SLC4A4: variants seen among roughly 807,000 people sequenced by gnomAD.
The protein encoded by SLC4A4 is electrogenic sodium bicarbonate cotransporter 1.
SLC4A4 carries 27 observed loss-of-function variants against 111.5 expected under a neutral mutation model. The ratio of observed to expected loss-of-function variants is 0.24; its 90% confidence interval spans 0.18 to 0.33. The LOEUF (loss-of-function observed/expected upper bound fraction) is 0.33. Among genes scored for constraint, SLC4A4 ranks in the 10% least tolerant of loss-of-function variants. SLC4A4 has a pLI of 1.00. For synonymous variants in SLC4A4, 443 were observed against 463.4 expected (o/e 0.96, Z 0.57); for missense variants, 909 against 1,315.5 (o/e 0.69, Z 4.78).
chr4:71,121,700 C>G (rs2148956863), intron 2 of SLC4A4, among the ~76,000 whole-genome samples: 1 of 152,266 alleles, frequency 6.6e-6, no homozygotes, highest in South Asian at 2.1e-4. Flanking sequence ...GTAAAATGGA[C>G]CAATCAGCAA....
intron 3 of SLC4A4, among the ~76,000 whole-genome samples, chr4:71,262,800 C>T (rs1363260897): frequency 6.6e-6 from 1 of 151,808 alleles, no homozygotes; most frequent in African/African-American, 2.4e-5. Context: ...ATTCCCCTTT[C>T]CCCCCGGGTG....
chr4:71,352,495 T>A (rs1415928331), intron 5 of SLC4A4, among the ~76,000 whole-genome samples: 1 of 152,218 alleles, frequency 6.6e-6, no homozygotes, highest in Non-Finnish European at 1.5e-5. Flanking sequence ...TGTCATATAT[T>A]AATTCCCGTG....
intron 6 of SLC4A4, among the ~76,000 whole-genome samples, chr4:71,389,453 C>T (rs1360954641): frequency 6.6e-6 from 1 of 152,174 alleles, no homozygotes; most frequent in Non-Finnish European, 1.5e-5. Flanking sequence ...GAGATCCTTA[C>T]ACTCTGCCTT....
At chr4:71,547,493 C>T (rs951229770) in intron 19 of SLC4A4, among the ~76,000 whole-genome samples, 155 bp from the exon 20 acceptor site, 2 of 152,016 alleles carry the variant, frequency 1.3e-5, no homozygotes, top group Non-Finnish European at 2.9e-5. Context: ...TGGGTTTATA[C>T]GCTATCCTTG....
At chr4:71,351,862 G>C (rs143761127) in intron 5 of SLC4A4, among the ~76,000 whole-genome samples, 145 of 152,282 alleles carry the variant, frequency 9.5e-4, no homozygotes, top group African/African-American at 3.3e-3. Context: ...CTTTGTAAAT[G>C]AGACAAGGTA....
intron 7 of SLC4A4, chr4:71,437,091 G>A (rs1724228004): frequency 9.1e-6 from 4 of 437,488 alleles, no homozygotes; most frequent in African/African-American, 4.1e-5. Context: ...CTTCTTTGTG[G>A]ACTTTTTCCC....
At chr4:71,139,089 A>C (rs1256665104) in intron 2 of SLC4A4, among the ~76,000 whole-genome samples, 2 of 150,354 alleles carry the variant, frequency 1.3e-5, no homozygotes, top group Non-Finnish European at 3.0e-5. Flanking sequence ...GCAATAATGG[A>C]TCCTTCTTTC....
chr4:71,251,761 T>C (rs1315221855), intron 2 of SLC4A4, among the ~76,000 whole-genome samples: 1 of 152,250 alleles, frequency 6.6e-6, no homozygotes, highest in Non-Finnish European at 1.5e-5. Context: ...TCCTCATACA[T>C]TATAGCTCTT....
At chr4:71,339,677 A>G (rs1295593933) in intron 4 of SLC4A4, among the ~76,000 whole-genome samples, 172 bp downstream of exon 4, 3 of 152,126 alleles carry the variant, frequency 2.0e-5, no homozygotes, top group South Asian at 2.1e-4. Flanking sequence ...TTTTGTTGAC[A>G]TGAATGCAGG....
chr4:71,132,080 T>C (rs1272121835), intron 2 of SLC4A4, among the ~76,000 whole-genome samples: 2 of 152,206 alleles, frequency 1.3e-5, no homozygotes, highest in African/African-American at 4.8e-5. Context: ...GTGCATACTA[T>C]TTAAGTTTTA....
intron 2 of SLC4A4, among the ~76,000 whole-genome samples, chr4:71,149,883 A>C (rs974861621): frequency 1.3e-5 from 2 of 152,172 alleles, no homozygotes; most frequent in Non-Finnish European, 2.9e-5. Flanking sequence ...GGAGCCCCTA[A>C]ATCCAATTAG....
intron 2 of SLC4A4, among the ~76,000 whole-genome samples, chr4:71,159,279 A>C (rs1323449976): frequency 6.6e-6 from 1 of 152,218 alleles, no homozygotes; most frequent in African/African-American, 2.4e-5. Flanking sequence ...TTTTAATCTT[A>C]CAACTTCAAA....
intron 6 of SLC4A4, among the ~76,000 whole-genome samples, chr4:71,373,812 G>A (rs1327372150): frequency 6.6e-6 from 1 of 152,128 alleles, no homozygotes; most frequent in African/African-American, 2.4e-5. Flanking sequence ...AGGGGATAAT[G>A]CAAGAAATGT....
At chr4:71,471,337 T>G (rs973014594) in intron 13 of SLC4A4, among the ~76,000 whole-genome samples, 2 of 151,916 alleles carry the variant, frequency 1.3e-5, no homozygotes, top group Non-Finnish European at 2.9e-5. Flanking sequence ...TGACTTTCAT[T>G]AAAAGGGATA....
At chr4:71,189,702 T>C (rs1745647609) in intron 1 of SLC4A4, among the ~76,000 whole-genome samples, 1 of 152,244 alleles carries the variant, frequency 6.6e-6, no homozygotes, top group African/African-American at 2.4e-5. Flanking sequence ...GTGAGCGCTG[T>C]AGACCTCATA....
chr4:71,347,435 A>T (rs1159021321), intron 4 of SLC4A4, among the ~76,000 whole-genome samples: 1 of 152,166 alleles, frequency 6.6e-6, no homozygotes, highest in Non-Finnish European at 1.5e-5. Context: ...ACATTGTCAG[A>T]TTCAGTGTCT....
intron 3 of SLC4A4, among the ~76,000 whole-genome samples, chr4:71,257,331 G>A (rs1011371734): frequency 6.6e-6 from 1 of 152,166 alleles, no homozygotes; most frequent in Non-Finnish European, 1.5e-5. Flanking sequence ...TTATTTATAA[G>A]TATGCATTTT....
At chr4:71,105,466 C>G (rs1249658022) in intron 2 of SLC4A4, among the ~76,000 whole-genome samples, 1 of 151,724 alleles carries the variant, frequency 6.6e-6, no homozygotes, top group Non-Finnish European at 1.5e-5. Flanking sequence ...ATCGCCAAGG[C>G]ACTCCTAAGC....
intron 14 of SLC4A4, among the ~76,000 whole-genome samples, chr4:71,480,064 C>G (rs1331913117): frequency 6.9e-6 from 1 of 145,612 alleles, no homozygotes; most frequent in East Asian, 2.0e-4. Flanking sequence ...CTCTTTCACC[C>G]AAACTGGAAT....
Sources: allele counts gnomAD v4.1 joint callset (sites outside exome capture counted in the v4.1 genomes callset), GRCh38; gene constraint gnomAD v4.1.1; transcripts MANE v1.5; gene names NCBI Gene and HGNC (gene_info 2026-07-23, HGNC 2026-07-21).